DNAH10: variants seen among roughly 807,000 people sequenced by gnomAD.
The protein encoded by DNAH10 is dynein axonemal heavy chain 10, also known as axonemal beta dynein heavy chain 10.
DNAH10 carries 348 observed loss-of-function variants against 506.6 expected under a neutral mutation model. That is an observed-to-expected ratio of 0.69 (90% CI 0.63 to 0.75). The LOEUF (loss-of-function observed/expected upper bound fraction) is 0.75. Among genes scored for constraint, DNAH10 ranks in the 30% least tolerant of loss-of-function variants. The pLI, the probability that DNAH10 is intolerant of heterozygous loss-of-function variation, is 0.00. For missense variants in DNAH10, 5,179 were observed against 5,787.1 expected (o/e 0.89, Z 3.41); for synonymous variants, 2,059 against 2,198.6 (o/e 0.94, Z 1.78).
intron 28 of DNAH10, among the ~76,000 whole-genome samples, chr12:123,836,357 T>A (rs1961127683): frequency 6.6e-6 from 1 of 152,252 alleles, no homozygotes; most frequent in African/African-American, 2.4e-5. Flanking sequence ...AATTTGACAT[T>A]TTGTTTGAAC....
At chr12:123,908,783 C>T (rs1242018310) in intron 57 of DNAH10, among the ~76,000 whole-genome samples, 1 of 152,086 alleles carries the variant, frequency 6.6e-6, no homozygotes, top group East Asian at 1.9e-4. Context: ...CAGGCGGTGT[C>T]AGCACAGCCA....
intron 64 of DNAH10, among the ~76,000 whole-genome samples, chr12:123,918,364 C>T (rs139447472): frequency 6.6e-6 from 1 of 152,352 alleles, no homozygotes; most frequent in Non-Finnish European, 1.5e-5. Flanking sequence ...GGATGCTAGG[C>T]TCAGGTTAGC....
At position 123,903,018 on chromosome 12, in the gene DNAH10, C is replaced by A; in HGVS notation, c.9720C>A (p.Ala3240=). 1 of 1,603,540 alleles carries A rather than the reference C, an allele frequency of 6.2e-7. No homozygotes were observed. Among genetic ancestry groups the A allele is most frequent in the Non-Finnish European group, 8.5e-7 (1 of 1,175,258 alleles). The part of the protein sequence containing the change: ...EQNKVIAMEK[A]EAETTLAEVM... ...ACAAAGTCATTGCCATGGAGAAGGC[C>A]GAGGCCGAGACGACCCTGGCAGAGG... is the stretch of plus-strand genomic sequence containing the variant. The change falls in exon 57 of 79, where the codon GCC becomes GCA. Residue 3240 remains alanine (A), a synonymous_variant. Coordinates refer to ENST00000673944, the MANE Select transcript of DNAH10 (RefSeq NM_001372106.1). This position sits in a 1 kb window ranked among gnomAD's most constrained non-coding sequence, Gnocchi z 4.6.
chr12:123,864,877 T>C, intron 40 of DNAH10, 147 bp downstream of exon 40: 1 of 1,050,954 alleles, frequency 9.5e-7, no homozygotes, highest in Non-Finnish European at 1.3e-6. Flanking sequence ...CTTTGTTCTT[T>C]ACTCCTCTCA....
In DNAH10 at chr12:123,931,956, G is replaced by A. The variant is rs898949839; in HGVS notation, c.13144G>A (p.Val4382Ile). ...TTCTAAATAGGCCTTGGCTGGAGAA[G>A]TTGGAATGAGCAATGAGTTAGATGA... ...AELQRALAGE[V>I]GMSNELDDVA... Residue 4382 changes from valine to isoleucine, a missense_variant, in exon 76 of 79, where the codon GTT becomes ATT. Physicochemically the swap from Val to Ile is conservative, Grantham distance 29. Coordinates refer to ENST00000673944, the MANE Select transcript of DNAH10 (RefSeq NM_001372106.1). The A allele has an allele frequency of 3.1e-6, 5 of 1,613,950 alleles. No homozygotes were observed. Among genetic ancestry groups the A allele is most frequent in the African/African-American group, 1.3e-5 (1 of 74,938 alleles).
At chr12:123,779,507 G>T (rs886454952) in intron 5 of DNAH10, among the ~76,000 whole-genome samples, 5 of 152,280 alleles carry the variant, frequency 3.3e-5, no homozygotes, top group Non-Finnish European at 7.3e-5. Context: ...CAGTAGCTGT[G>T]AGAGGCGTCT....
chr12:123,934,463 A>G, intron 77 of DNAH10, 158 bp from the exon 78 acceptor site: 1 of 888,284 alleles, frequency 1.1e-6, no homozygotes, highest in Non-Finnish European at 1.8e-6. Context: ...GAAGGTGGGC[A>G]GGACAGAAAT....
Position 123,898,655 on chromosome 12 carries a change from C to T in DNAH10, c.9481C>T (p.Gln3161Ter). 6.4e-7 allele frequency: 1 copy of T among 1,560,486 alleles called. No individual in the cohort carries two copies. The highest frequency in any genetic ancestry group is 8.7e-7 in the Non-Finnish European group (1 of 1,152,456). ...ACATAGGTGCCCTCTTTCCTCAGCT[C>T]AGTGCAAGCGTCTGGATGGGGGACT... ...LDEKTQCNIA[Q>*]CKRLDGGLDK... Residue 3161 changes from glutamine to a stop codon, truncating the protein, a stop_gained and splice_region_variant, in exon 56 of 79, where the codon CAG (glutamine) becomes TAG (stop). Transcript: ENST00000673944. LOFTEE classifies it high-confidence loss of function.
At chr12:123,877,646 G>A in intron 47 of DNAH10, 90 bp from the exon 48 acceptor site, 1 of 1,457,364 alleles carries the variant, frequency 6.9e-7, no homozygotes, top group Non-Finnish European at 9.1e-7. Flanking sequence ...CTTAGTAATA[G>A]TCCATTGTAC....
chr12:123,774,431 A>G (rs1957365463), intron 5 of DNAH10, among the ~76,000 whole-genome samples, 167 bp downstream of exon 5: 1 of 152,208 alleles, frequency 6.6e-6, no homozygotes, highest in South Asian at 2.1e-4. Flanking sequence ...GCGGCGCTAG[A>G]GAAATTAAAG....
rs1047828529 is a variant in DNAH10 at position 123,853,372 on chromosome 12, A to G, written c.6438+20A>G. 72 of 1,605,482 alleles carry G rather than the reference A, an allele frequency of 4.5e-5. No homozygotes were observed. Among genetic ancestry groups the G allele is most frequent in the Non-Finnish European group, 5.8e-5 (68 of 1,176,022 alleles). ...AGGGAGGTAGGGGCCACGTGCTGGA[A>G]CATTCTCTGGTTTCAGCTGCTTCAG... On this transcript the variant is annotated intron_variant, in intron 36 of 78. Transcript: ENST00000673944. This position sits in a 1 kb window ranked among gnomAD's most constrained non-coding sequence, Gnocchi z 4.7.
rs1490487718 is a variant in DNAH10 at position 123,801,297 on chromosome 12, C to T, written c.2479C>T (p.Gln827Ter). 6.2e-7 allele frequency: 1 copy of T among 1,613,866 alleles called. No individual in the cohort carries two copies. Among genetic ancestry groups the T allele is most frequent in the African/African-American group, 1.3e-5 (1 of 74,942 alleles). ...CATGTGCAGGTACACAGCTGGGATA[C>T]AGCGCATGTTGGATCATTATCACAT... ...DKFLRYTAGI[Q>*]RMLDHYHMLI... Residue 827 changes from glutamine (Q) to a stop codon, truncating the protein, a stop_gained, in exon 16 of 79, where the codon CAG becomes TAG. Coordinates refer to ENST00000673944, the MANE Select transcript of DNAH10 (RefSeq NM_001372106.1). LOFTEE classifies it high-confidence loss of function.
At chr12:123,822,094 C>T (rs1959471467) in intron 24 of DNAH10, among the ~76,000 whole-genome samples, 1 of 152,210 alleles carries the variant, frequency 6.6e-6, no homozygotes, top group Non-Finnish European at 1.5e-5. Flanking sequence ...GTGATCCCAG[C>T]TGCTTGGGAG....
intron 37 of DNAH10, among the ~76,000 whole-genome samples, chr12:123,857,696 C>T (rs1415168563): frequency 2.6e-5 from 4 of 152,134 alleles, no homozygotes; most frequent in Non-Finnish European, 5.9e-5. Context: ...CCACTGCACT[C>T]CAGCCTGGTG....
At chr12:123,765,564 T>TTATCTATCTATC (rs142140309) in intron 1 of DNAH10, among the ~76,000 whole-genome samples, 22,552 of 149,226 alleles carry the variant, frequency 0.15, 1,920 homozygotes, top group East Asian at 0.29. Context: ...TATCTATACT[T>TTATCTATCTATC]TATCTATCTA....
chr12:123,854,539 G>A (rs1166972827), intron 36 of DNAH10, among the ~76,000 whole-genome samples: 1 of 152,122 alleles, frequency 6.6e-6, no homozygotes, highest in African/African-American at 2.4e-5. Flanking sequence ...TTCCTTAGAA[G>A]AATGAAAACA....
At chr12:123,929,860 G>T (rs910584320) in intron 72 of DNAH10, 101 bp downstream of exon 72, 1 of 1,035,230 alleles carries the variant, frequency 9.7e-7, no homozygotes, top group African/African-American at 1.6e-5. Context: ...AGCCTCTTCT[G>T]CCCCTGTGTT....
intron 21 of DNAH10, among the ~76,000 whole-genome samples, chr12:123,815,494 TTTTG>T (rs1227848234): frequency 6.6e-6 from 1 of 152,190 alleles, no homozygotes; most frequent in Non-Finnish European, 1.5e-5. Context: ...TTTTTAAATA[TTTTG>T]TTTCTTTTTC....
In DNAH10 at chr12:123,915,004, G is replaced by A. The variant is rs934254139; in HGVS notation, c.10722+5G>A. ...GAGGAGAAGAACAATCTGCGGGTAT[G>A]GTGGCTCCTCCCAGGGCGTCTTCTG... On this transcript the variant is annotated splice_donor_5th_base_variant and intron_variant, in intron 62 of 78. Coordinates refer to ENST00000673944, the MANE Select transcript of DNAH10 (RefSeq NM_001372106.1). 7 of 1,600,986 alleles carry A rather than the reference G, an allele frequency of 4.4e-6. No homozygotes were observed. The African/African-American group carries it at 5.4e-5, about 12-fold the overall frequency.
Sources: gnomAD v4.1 joint callset for allele counts (sites outside exome capture counted in the v4.1 genomes callset) on GRCh38, gnomAD v4.1.1 for gene constraint, Gnocchi (gnomAD v3.1) non-coding constraint, MANE v1.5 for transcripts, NCBI Gene and HGNC (gene_info 2026-07-23, HGNC 2026-07-21) for gene names.